Variants in VAPA observed in about 807,000 individuals in gnomAD.
VAPA encodes VAMP associated protein A, also known as vesicle-associated membrane protein-associated protein A.
VAPA carries 6 observed loss-of-function variants against 25.6 expected under a neutral mutation model. The ratio of observed to expected loss-of-function variants is 0.23; its 90% confidence interval spans 0.13 to 0.46. VAPA has a LOEUF of 0.46. Among genes scored for constraint, VAPA ranks in the 20% least tolerant of loss-of-function variants. The pLI is 0.99. For missense variants in VAPA, 244 were observed against 302.1 expected (o/e 0.81, Z 1.43); for synonymous variants, 112 against 106.2 (o/e 1.05, Z -0.34).
At chr18:9,924,691 C>T (rs1213505032) in intron 1 of VAPA, among the ~76,000 whole-genome samples, 3 of 152,094 alleles carry the variant, frequency 2.0e-5, no homozygotes, top group Admixed American at 6.6e-5. Context: ...GGGTAGAAGA[C>T]GTTCTTTAAG....
At chr18:9,952,396 G>A (rs974582279) in intron 5 of VAPA, among the ~76,000 whole-genome samples, 4 of 151,808 alleles carry the variant, frequency 2.6e-5, no homozygotes, top group South Asian at 2.1e-4. Flanking sequence ...GTGAAACCCC[G>A]TCTCTATTAA....
intron 4 of VAPA, 36 bp from the exon 5 acceptor site, chr18:9,950,359 G>T: frequency 6.3e-7 from 1 of 1,593,626 alleles, no homozygotes; most frequent in Non-Finnish European, 8.5e-7. Context: ...AGGAGATTTG[G>T]TTAGTTAAAA....
rs2069478949 is a variant in VAPA at position 9,950,513 on chromosome 18, G to A, written c.536G>A (p.Cys179Tyr). 6.2e-7 allele frequency: 1 copy of A among 1,613,816 alleles called. No individual in the cohort carries two copies. ...DTETRKLMEE[C>Y]KRLQGEMMKL... ...GAAACAAGGAAACTAATGGAAGAGT[G>A]TAAAAGACTTCAGGGAGAAATGATG... Residue 179 changes from cysteine (C) to tyrosine (Y), a missense_variant, in exon 5 of 6, where the codon TGT (cysteine) becomes TAT (tyrosine). Around this residue, in one of 2 missense-constraint regions of VAPA, gnomAD observed 145 missense variants for 140.6 expected, o/e 1.03. Coordinates refer to ENST00000400000, the MANE Select transcript of VAPA (RefSeq NM_194434.3).
At chr18:9,933,750 C>T (rs2069280055) in intron 2 of VAPA, among the ~76,000 whole-genome samples, 1 of 152,168 alleles carries the variant, frequency 6.6e-6, no homozygotes, top group African/African-American at 2.4e-5. Context: ...GTTGGCCAGG[C>T]TGGTCTCGAA....
intron 1 of VAPA, 125 bp downstream of exon 1, chr18:9,914,460 C>A: frequency 1.3e-6 from 1 of 796,680 alleles, no homozygotes; most frequent in Non-Finnish European, 1.8e-6. Flanking sequence ...CACGCCCCGG[C>A]GCCTTCCCTT....
chr18:9,937,397 A>G (rs1439076393), intron 4 of VAPA, among the ~76,000 whole-genome samples: 1 of 152,150 alleles, frequency 6.6e-6, no homozygotes, highest in Non-Finnish European at 1.5e-5. Context: ...AAAAATACAT[A>G]TAAATTGCTT....
chr18:9,948,269 A>G (rs1299214513), intron 4 of VAPA: 3 of 152,198 alleles, frequency 2.0e-5, no homozygotes, highest in African/African-American at 7.2e-5. Context: ...TTTTTATGGA[A>G]TGTCTTCCTA....
chr18:9,941,782 G>T (rs1184983513), intron 4 of VAPA, among the ~76,000 whole-genome samples: 2 of 152,150 alleles, frequency 1.3e-5, no homozygotes, highest in Non-Finnish European at 2.9e-5. Context: ...TTGATAAAAT[G>T]CTGTATGATG....
At chr18:9,941,761 C>T (rs1395653721) in intron 4 of VAPA, among the ~76,000 whole-genome samples, 1 of 152,136 alleles carries the variant, frequency 6.6e-6, no homozygotes, top group African/African-American at 2.4e-5. Context: ...TGTTAATTTA[C>T]TTCAGATGAA....
At position 9,958,750 on chromosome 18, in the gene VAPA, T is replaced by C. The variant is rs186394668; in HGVS notation, c.*4539T>C. Reference sequence around the variant, plus strand: ...TTCTTTAAACTGCAGGAGTCACTGTTAGGTATTGCTTAAAAAAAATTGCAT... The same window carrying C: ...TTCTTTAAACTGCAGGAGTCACTGTCAGGTATTGCTTAAAAAAAATTGCAT... On this transcript the variant is annotated 3_prime_UTR_variant, in exon 6 of 6. Coordinates refer to ENST00000400000, the MANE Select transcript of VAPA (RefSeq NM_194434.3). 24 of 152,338 alleles carry C rather than the reference T, an allele frequency of 1.6e-4. No individual in the cohort carries two copies. The highest frequency in any genetic ancestry group is 2.4e-4 in the Non-Finnish European group (16 of 68,030). The allele number at this position is 152,338 out of a possible 1,614,324, so 9.4% of individuals were successfully genotyped here.
At chr18:9,923,830 A>AG (rs1468307101) in intron 1 of VAPA, 5 of 152,206 alleles carry the variant, frequency 3.3e-5, no homozygotes, top group African/African-American at 1.2e-4. Context: ...AAGCAAATTA[A>AG]GCTACTATGG....
intron 1 of VAPA, among the ~76,000 whole-genome samples, chr18:9,930,658 A>C (rs550788079): frequency 6.6e-6 from 1 of 152,158 alleles, no homozygotes; most frequent in Admixed American, 6.5e-5. Context: ...TGAAACAAGC[A>C]GTTCAGAAGA....
intron 4 of VAPA, among the ~76,000 whole-genome samples, chr18:9,938,922 G>C (rs1026890530): frequency 6.6e-6 from 1 of 152,006 alleles, no homozygotes; most frequent in Non-Finnish European, 1.5e-5. Flanking sequence ...CTCATCTTAG[G>C]TATTGTTTAA....
chr18:9,929,570 A>G (rs1018755795), intron 1 of VAPA, among the ~76,000 whole-genome samples: 10 of 152,304 alleles, frequency 6.6e-5, no homozygotes, highest in Admixed American at 5.9e-4. Flanking sequence ...GAGGTGGGAT[A>G]TGGCTTTCGT....
chr18:9,915,658 C>T (rs372078815), intron 1 of VAPA: 1 of 152,000 alleles, frequency 6.6e-6, no homozygotes, highest in Non-Finnish European at 1.5e-5. Context: ...AGGCTGAGTC[C>T]AAGAGAAAGC....
intron 4 of VAPA, among the ~76,000 whole-genome samples, chr18:9,943,480 A>C (rs999081864): frequency 6.6e-6 from 1 of 152,130 alleles, no homozygotes; most frequent in African/African-American, 2.4e-5. Context: ...AATGGCCCCT[A>C]GTGTCTTCAG....
chr18:9,938,235 C>T (rs1190402264), intron 4 of VAPA, among the ~76,000 whole-genome samples: 1 of 152,174 alleles, frequency 6.6e-6, no homozygotes, highest in Non-Finnish European at 1.5e-5. Flanking sequence ...AGTTTTATGT[C>T]ATTTTTTACA....
intron 1 of VAPA, among the ~76,000 whole-genome samples, chr18:9,931,547 C>G (rs2069255006): frequency 6.6e-6 from 1 of 151,966 alleles, no homozygotes; most frequent in South Asian, 2.1e-4. Flanking sequence ...TTCATAGATC[C>G]AAAGTTTCAT....
At chr18:9,942,815 C>A (rs1178495556) in intron 4 of VAPA, among the ~76,000 whole-genome samples, 3 of 152,170 alleles carry the variant, frequency 2.0e-5, no homozygotes, top group Admixed American at 2.0e-4. Context: ...GGGGATGGTG[C>A]TAAACCATTC....
Sources: gnomAD v4.1 joint callset for allele counts (sites outside exome capture counted in the v4.1 genomes callset) on GRCh38, gnomAD v4.1.1 for gene constraint, gnomAD v4.1.1 regional missense constraint, MANE v1.5 for transcripts, NCBI Gene and HGNC (gene_info 2026-07-23, HGNC 2026-07-21) for gene names.